Variants in STK32B observed in about 807,000 individuals in gnomAD.
STK32B encodes serine/threonine-protein kinase 32B.
Under a neutral mutation model 52.6 loss-of-function variants are expected in STK32B, and 43 were observed. The ratio of observed to expected loss-of-function variants is 0.82; its 90% confidence interval spans 0.64 to 1.05. The LOEUF (loss-of-function observed/expected upper bound fraction) is 1.05. Ranked by LOEUF, STK32B falls within the 50% of genes least tolerant of loss-of-function variation. The probability of loss-of-function intolerance (pLI) is 0.00; values close to 1 mark genes in which losing one functional copy is unlikely to be tolerated. For synonymous variants in STK32B, 238 were observed against 204.3 expected, an observed-to-expected ratio of 1.17 and a Z score of -1.41; for missense variants, 621 against 534.6, an observed-to-expected ratio of 1.16 and a Z score of -1.59.
In STK32B at chr4:5,286,754, T is replaced by C. The variant is rs1001548706; in HGVS notation, c.261-44466T>C. 2.6e-5 allele frequency among the ~76,000 whole-genome samples: 4 copies of C among 151,830 alleles called. 1 individual carries two copies. The highest frequency in any genetic ancestry group is 2.6e-4 in the Admixed American group (4 of 15,230). ...TTGACCTTTACAAATAATTTTGCTA[T>C]GAACATTTTTGCATATGTATTTTGG... On this transcript the variant is annotated intron_variant, in intron 3 of 11. Transcript: ENST00000282908.
chr4:5,144,331 G>A (rs771180417), intron 2 of STK32B, among the ~76,000 whole-genome samples: 2 of 152,208 alleles, frequency 1.3e-5, no homozygotes, highest in Non-Finnish European at 2.9e-5. Context: ...ATAGTAGAGT[G>A]TCTAGCACAG....
chr4:5,425,395 G>A (rs1441749013), intron 6 of STK32B, among the ~76,000 whole-genome samples: 2 of 152,202 alleles, frequency 1.3e-5, no homozygotes, highest in Non-Finnish European at 2.9e-5. Context: ...AGAGAAAGTG[G>A]CAAAGCTGGC....
chr4:5,165,724 C>A (rs1012703430), intron 2 of STK32B, among the ~76,000 whole-genome samples: 1 of 152,288 alleles, frequency 6.6e-6, no homozygotes, highest in African/African-American at 2.4e-5. Flanking sequence ...AGCCAGGACC[C>A]CTGAGGTACG....
chr4:5,280,080 C>T (rs926563357), intron 3 of STK32B, among the ~76,000 whole-genome samples: 2 of 152,192 alleles, frequency 1.3e-5, no homozygotes, highest in Non-Finnish European at 2.9e-5. Context: ...CATTTCTGAG[C>T]CTTGATTTCC....
At chr4:5,423,116 G>A (rs769207057) in intron 6 of STK32B, among the ~76,000 whole-genome samples, 1 of 152,094 alleles carries the variant, frequency 6.6e-6, no homozygotes, top group Non-Finnish European at 1.5e-5. Flanking sequence ...TTCAGTGCTG[G>A]AGACCACTAT....
At chr4:5,140,049 C>T in intron 2 of STK32B, 89 bp downstream of exon 2, 1 of 1,540,680 alleles carries the variant, frequency 6.5e-7, no homozygotes, top group East Asian at 2.3e-5. Context: ...TGGGAATGTT[C>T]TGTTTGACAG....
intron 3 of STK32B, among the ~76,000 whole-genome samples, chr4:5,291,690 T>C (rs189651127): frequency 2.0e-5 from 3 of 152,256 alleles, no homozygotes; most frequent in African/African-American, 4.8e-5. Context: ...CAGTGTTGAG[T>C]AGAAGTGGTG....
Position 5,499,023 on chromosome 4 carries a change from C to T in STK32B, c.1185C>T (p.Leu395=). The T allele has an allele frequency of 6.2e-7, 1 of 1,613,892 alleles. No homozygotes were observed. Among genetic ancestry groups the T allele is most frequent in the Middle Eastern group, 1.7e-4 (1 of 6,058 alleles). Residue 395 remains leucine, a synonymous_variant, in exon 12 of 12, where the codon CTC becomes CTT. Coordinates refer to ENST00000282908, the MANE Select transcript of STK32B (RefSeq NM_018401.3). ...GGGGAGGCCAGGCCCAAAGCAAGCT[C>T]CAGGACGGGTGCAACAACAACCTCC... ...SRGGGQAQSK[L]QDGCNNNLLT...
chr4:5,078,193 C>G (rs747021879), intron 1 of STK32B, among the ~76,000 whole-genome samples: 3 of 152,130 alleles, frequency 2.0e-5, no homozygotes, highest in Non-Finnish European at 2.9e-5. Flanking sequence ...CAGACTTCCC[C>G]TTGTAGCTCA....
intron 6 of STK32B, among the ~76,000 whole-genome samples, 193 bp downstream of exon 6, chr4:5,417,127 A>G (rs191746466): frequency 2.6e-5 from 4 of 152,356 alleles, no homozygotes; most frequent in Admixed American, 2.6e-4. Flanking sequence ...TCTGCTAGAC[A>G]ACCCCTCTCC....
At chr4:5,362,869 A>G (rs910189157) in intron 4 of STK32B, among the ~76,000 whole-genome samples, 7 of 152,150 alleles carry the variant, frequency 4.6e-5, no homozygotes, top group African/African-American at 1.2e-4. Context: ...CCTTGTCTCT[A>G]TGGTTATACT....
chr4:5,159,536 T>G (rs1263360778), intron 2 of STK32B, among the ~76,000 whole-genome samples: 1 of 117,170 alleles, frequency 8.5e-6, no homozygotes, highest in Non-Finnish European at 1.8e-5. Context: ...TATATATGTA[T>G]ATATGTATAT....
chr4:5,409,924 C>G (rs982220308), intron 5 of STK32B, among the ~76,000 whole-genome samples: 1 of 152,158 alleles, frequency 6.6e-6, no homozygotes, highest in African/African-American at 2.4e-5. Flanking sequence ...AAGACATGTG[C>G]TGAAAACATA....
At chr4:5,053,960 C>T (rs534424596) in intron 1 of STK32B, among the ~76,000 whole-genome samples, 16 of 123,686 alleles carry the variant, frequency 1.3e-4, no homozygotes, top group Middle Eastern at 4.0e-3. Flanking sequence ...GCCTGGGCAC[C>T]AAGAGTGAAG....
chr4:5,160,900 G>T (rs76814606), intron 2 of STK32B, among the ~76,000 whole-genome samples: 2,302 of 152,266 alleles, frequency 0.015, 57 homozygotes, highest in African/African-American at 0.053. Context: ...AACATGACCT[G>T]TGAGCACAGC....
intron 6 of STK32B, among the ~76,000 whole-genome samples, chr4:5,421,002 C>T (rs1179375915): frequency 2.6e-5 from 4 of 152,164 alleles, no homozygotes; most frequent in South Asian, 2.1e-4. Flanking sequence ...CAGGTTCAGG[C>T]GATTCTCCTG....
intron 3 of STK32B, among the ~76,000 whole-genome samples, chr4:5,190,423 C>T (rs1039189819): frequency 6.6e-6 from 1 of 152,094 alleles, no homozygotes; most frequent in East Asian, 1.9e-4. Flanking sequence ...GGTTAGAAAA[C>T]CTGTAGAGGA....
intron 1 of STK32B, among the ~76,000 whole-genome samples, chr4:5,097,821 C>T (rs1160358643): frequency 1.3e-5 from 2 of 152,210 alleles, no homozygotes; most frequent in Non-Finnish European, 2.9e-5. Flanking sequence ...ACAAATTGCC[C>T]TAAAACCCAA....
At chr4:5,152,147 A>G (rs1471768275) in intron 2 of STK32B, among the ~76,000 whole-genome samples, 1 of 152,226 alleles carries the variant, frequency 6.6e-6, no homozygotes, top group Non-Finnish European at 1.5e-5. Context: ...TTCGTCAGCA[A>G]TTGATGAAGT....
Sources: allele counts gnomAD v4.1 joint callset (sites outside exome capture counted in the v4.1 genomes callset), GRCh38; gene constraint gnomAD v4.1.1; transcripts MANE v1.5; gene names NCBI Gene and HGNC (gene_info 2026-07-23, HGNC 2026-07-21).